MAF: variants seen among roughly 807,000 people sequenced by gnomAD.
MAF encodes the protein transcription factor Maf.
In MAF, 10 loss-of-function variants were observed where a neutral mutation model predicts 22.0. That is an observed-to-expected ratio of 0.45 (90% CI 0.28 to 0.77). MAF has a LOEUF of 0.77. Among genes scored for constraint, MAF ranks in the 30% least tolerant of loss-of-function variants. The probability of loss-of-function intolerance (pLI) is 0.12; values close to 1 mark genes in which losing one functional copy is unlikely to be tolerated. For synonymous variants in MAF, 337 were observed against 255.8 expected, an observed-to-expected ratio of 1.32 and a Z score of -3.03; for missense variants, 544 against 548.4, an observed-to-expected ratio of 0.99 and a Z score of 0.08.
chr16:79,548,855 G>A, the MAF span, among the ~76,000 whole-genome samples: 1 of 152,282 alleles, frequency 6.6e-6, no homozygotes, highest in African/African-American at 2.4e-5. Flanking sequence ...GAGAGGGTAA[G>A]TCTTCTCTTC....
At chr16:79,593,104 CAAAA>C (rs965395094), downstream of MAF, among the ~76,000 whole-genome samples, 1 of 151,880 alleles carries the variant, frequency 6.6e-6, no homozygotes, top group Non-Finnish European at 1.5e-5. Flanking sequence ...AAACAAAAAA[CAAAA>C]AGAGAGAGAG....
At chr16:79,469,022 A>T in the MAF span, among the ~76,000 whole-genome samples, 1 of 152,124 alleles carries the variant, frequency 6.6e-6, no homozygotes, top group South Asian at 2.1e-4. Flanking sequence ...AGCTGTCCTT[A>T]TGCTAGCAGG....
the MAF span, among the ~76,000 whole-genome samples, chr16:79,411,598 A>G: frequency 6.6e-6 from 1 of 152,180 alleles, no homozygotes; most frequent in East Asian, 1.9e-4. Flanking sequence ...CAACCTATAA[A>G]TTGAGGTGAA....
chr16:79,595,762 G>A, intron 1 of MAF: 11 of 1,056,640 alleles, frequency 1.0e-5, no homozygotes, highest in Non-Finnish European at 1.3e-5. Flanking sequence ...AGCATGATCT[G>A]AAATCATTAC....
At chr16:79,302,732 G>A in the MAF span, among the ~76,000 whole-genome samples, 7 of 152,232 alleles carry the variant, frequency 4.6e-5, no homozygotes, top group African/African-American at 1.7e-4. Flanking sequence ...GATTGATTTT[G>A]AAGTTAAATG....
At chr16:79,286,179 A>T in the MAF span, among the ~76,000 whole-genome samples, 771 of 152,186 alleles carry the variant, frequency 5.1e-3, 6 homozygotes, top group Admixed American at 9.2e-3. Context: ...AAATACTTTT[A>T]AAATACTTTT....
the MAF span, among the ~76,000 whole-genome samples, chr16:79,477,715 G>A: frequency 5.3e-5 from 8 of 151,984 alleles, no homozygotes; most frequent in Non-Finnish European, 7.4e-5. Context: ...GTGGAATTAA[G>A]TGACATTTTT....
chr16:79,416,905 C>T, the MAF span, among the ~76,000 whole-genome samples: 2 of 152,156 alleles, frequency 1.3e-5, no homozygotes, highest in East Asian at 1.9e-4. Context: ...GTTTTTTACT[C>T]ATGAAGTATT....
chr16:79,598,759 T>C (rs1464789999), intron 1 of MAF, 26 bp downstream of exon 1: 2 of 1,613,532 alleles, frequency 1.2e-6, no homozygotes, highest in South Asian at 1.1e-5. Context: ...TCAGGGTGGC[T>C]AGCTGGAATC....
chr16:79,402,490 C>T, the MAF span, among the ~76,000 whole-genome samples: 3 of 152,152 alleles, frequency 2.0e-5, no homozygotes, highest in Non-Finnish European at 4.4e-5. Context: ...GGCCACAGGG[C>T]GCATTCCTGG....
chr16:79,293,523 C>A, the MAF span, among the ~76,000 whole-genome samples: 1 of 152,120 alleles, frequency 6.6e-6, no homozygotes, highest in African/African-American at 2.4e-5. Context: ...GAGGTATATG[C>A]AATGATCAAT....
downstream of MAF, among the ~76,000 whole-genome samples, chr16:79,591,113 C>G (rs1050665940): frequency 6.6e-5 from 10 of 152,130 alleles, no homozygotes; most frequent in African/African-American, 2.4e-4. Flanking sequence ...GGTTTCATCG[C>G]TTCTCCTGTT....
At chr16:79,500,802 G>A in the MAF span, among the ~76,000 whole-genome samples, 1 of 152,156 alleles carries the variant, frequency 6.6e-6, no homozygotes, top group Non-Finnish European at 1.5e-5. Flanking sequence ...TGGGACTCAT[G>A]GAGGTGTCTG....
the MAF span, among the ~76,000 whole-genome samples, chr16:79,224,216 C>G: frequency 6.6e-6 from 1 of 152,188 alleles, no homozygotes; most frequent in Non-Finnish European, 1.5e-5. Flanking sequence ...ATATGCAAAT[C>G]AGTAAACGTA....
At chr16:79,555,719 T>C in the MAF span, among the ~76,000 whole-genome samples, 2 of 152,190 alleles carry the variant, frequency 1.3e-5, no homozygotes, top group Admixed American at 6.5e-5. Context: ...TCAATAAATA[T>C]AATGCAAATA....
the MAF span, among the ~76,000 whole-genome samples, chr16:79,258,106 G>A: frequency 6.6e-6 from 1 of 152,140 alleles, no homozygotes; most frequent in Non-Finnish European, 1.5e-5. Context: ...TTATTTCTGT[G>A]CTGCCTGTAA....
At chr16:79,593,528 G>A (rs981112464), downstream of MAF, among the ~76,000 whole-genome samples, 1 of 152,200 alleles carries the variant, frequency 6.6e-6, no homozygotes, top group African/African-American at 2.4e-5. Flanking sequence ...ATCAGAGCGT[G>A]AGCATCCTGC....
rs868331592 is a variant in MAF, at chr16:79,599,207, G to T, written c.696C>A (p.Gly232=). 2.2e-3 allele frequency: 2,093 copies of T among 972,760 alleles called. 24 individuals carry two copies. The African/African-American group carries it at 0.034, about 16-fold the overall frequency. 60.3% of individuals were successfully genotyped at this position (972,760 alleles called of 1,614,324 possible). ...CCGCCGCGCCCCCGCCGCCTCCGCCGCCGCCGCCGCCGCCGCCGCCCCCAG... is the reference window on the plus strand; with the variant it reads ...CCGCCGCGCCCCCGCCGCCTCCGCCTCCGCCGCCGCCGCCGCCGCCCCCAG... ...ASAGGGGGGG[G]GGGGGGAAGA... The change falls in exon 1 of 2, where the codon GGC becomes GGA. Residue 232 remains glycine, a synonymous_variant. Transcript: ENST00000326043.
chr16:79,526,724 G>A, the MAF span, among the ~76,000 whole-genome samples: 1 of 152,154 alleles, frequency 6.6e-6, no homozygotes, highest in African/African-American at 2.4e-5. Context: ...CGTAGCATTT[G>A]TTCATTTCTG....
Sources: allele counts gnomAD v4.1 joint callset (sites outside exome capture counted in the v4.1 genomes callset), GRCh38; gene constraint gnomAD v4.1.1; transcripts MANE v1.5; gene names NCBI Gene and HGNC (gene_info 2026-07-23, HGNC 2026-07-21).